Variants in CPEB4 observed in about 807,000 individuals in gnomAD.
CPEB4 encodes the protein cytoplasmic polyadenylation element binding protein 4.
CPEB4 carries 12 observed loss-of-function variants against 72.5 expected under a neutral mutation model. That is an observed-to-expected ratio of 0.17 (90% CI 0.11 to 0.27). The LOEUF is 0.27. CPEB4 is among the 10% of genes least tolerant of loss of function. The pLI is 1.00. For missense variants in CPEB4, 614 were observed against 908.5 expected (o/e 0.68, Z 4.17); for synonymous variants, 302 against 326.3 (o/e 0.93, Z 0.80).
chr5:173,911,331 G>A (rs1019665208), intron 2 of CPEB4, among the ~76,000 whole-genome samples: 10 of 151,182 alleles, frequency 6.6e-5, no homozygotes, highest in Admixed American at 5.9e-4. Context: ...GTGCAGTGGC[G>A]TGATCACTGC....
rs1165784046 is a variant in CPEB4, at chr5:173,932,490, G to T, written c.1248G>T (p.Leu416=). The T allele has an allele frequency of 1.2e-6, 2 of 1,611,776 alleles. No individual in the cohort carries two copies. Among genetic ancestry groups the T allele is most frequent in the African/African-American group, 2.7e-5 (2 of 74,844 alleles). ...CATATCCAGGATCCGATAGCTCTCT[G>T]CTTATTAATGGTAAGTGATAATTGA... ...NYSYPGSDSS[L]LINARTYGRR... The change falls in exon 3 of 10, where the codon CTG becomes CTT. Residue 416 remains leucine, a synonymous_variant. Transcript: ENST00000265085.
intron 4 of CPEB4, among the ~76,000 whole-genome samples, 190 bp downstream of exon 4, chr5:173,943,239 G>A (rs1465175948): frequency 1.3e-5 from 2 of 152,122 alleles, no homozygotes; most frequent in Non-Finnish European, 2.9e-5. Flanking sequence ...AAGAAATTTA[G>A]CAGAATGGTG....
intron 4 of CPEB4, among the ~76,000 whole-genome samples, chr5:173,943,485 A>G (rs59134908): frequency 0.12 from 17,691 of 152,166 alleles, 1,371 homozygotes; most frequent in African/African-American, 0.21. Context: ...TAAGTAAACA[A>G]TACATGTGGT....
At chr5:173,944,816 A>T in intron 4 of CPEB4, 151 bp from the exon 5 acceptor site, 1 of 641,050 alleles carries the variant, frequency 1.6e-6, no homozygotes, top group Non-Finnish European at 2.7e-6. Flanking sequence ...AGTTGGTGGG[A>T]ATTCAAGAGT....
Position 173,955,488 on chromosome 5 carries a change from A to G in CPEB4, c.1963-422A>G, listed in dbSNP as rs1758351473. ...ATCTTCACACCAACTTGAATATTGA[A>G]GTGCAGTTGTGTGGAACTTGGATCA... On this transcript the variant is annotated intron_variant, in intron 9 of 9. Coordinates refer to ENST00000265085, the MANE Select transcript of CPEB4 (RefSeq NM_030627.4). The surrounding 1 kb of genome is among the most constrained non-coding windows in gnomAD (Gnocchi z 4.7). Among the ~76,000 whole-genome samples, 1 of 152,172 alleles carries G rather than the reference A, an allele frequency of 6.6e-6. No homozygotes were observed. Among genetic ancestry groups the G allele is most frequent in the South Asian group, 2.1e-4 (1 of 4,826 alleles).
chr5:173,935,072 A>G (rs1757574444), intron 3 of CPEB4, among the ~76,000 whole-genome samples: 1 of 152,210 alleles, frequency 6.6e-6, no homozygotes, highest in South Asian at 2.1e-4. Flanking sequence ...GTGAAGATTC[A>G]ATGTGTGTAA....
chr5:173,923,698 A>G (rs1387924262), intron 2 of CPEB4, among the ~76,000 whole-genome samples: 1 of 149,024 alleles, frequency 6.7e-6, no homozygotes, highest in South Asian at 2.1e-4. Flanking sequence ...TATTTTTTTC[A>G]CCTTTTTTTT....
At position 173,955,826 on chromosome 5, in the gene CPEB4, C is replaced by T. The variant is rs1758360152; in HGVS notation, c.1963-84C>T. 1 of 1,094,386 alleles carries T rather than the reference C, an allele frequency of 9.1e-7. No individual in the cohort carries two copies. 67.8% of individuals were successfully genotyped at this position (1,094,386 alleles called of 1,614,324 possible). A position where few individuals can be genotyped will look rare whatever the true frequency, so the allele number is the denominator to read the frequency against. ...TTGGGCACCTTGGAACAGATTCATTCAGATAGTGGGTGGAAATGTACATGT... is the reference window on the plus strand; with the variant it reads ...TTGGGCACCTTGGAACAGATTCATTTAGATAGTGGGTGGAAATGTACATGT... On this transcript the variant is annotated intron_variant, in intron 9 of 9. Transcript: ENST00000265085. This position sits in a 1 kb window ranked among gnomAD's most constrained non-coding sequence, Gnocchi z 4.7.
chr5:173,888,826 C>T lies in CPEB4; in HGVS notation c.-908C>T, dbSNP rs910728230. On this transcript the variant is annotated 5_prime_UTR_variant, in exon 1 of 10. Transcript: ENST00000265085. The surrounding 1 kb of genome is among the most constrained non-coding windows in gnomAD (Gnocchi z 4.3). ...AACCGCAGGACCTTCCAGGTCGCCC[C>T]CTCGGTCCCCGCACCCCCAGGCCGC... 1 of 316,478 alleles carries T rather than the reference C, an allele frequency of 3.2e-6. No individual in the cohort carries two copies. Among genetic ancestry groups the T allele is most frequent in the Middle Eastern group, 8.1e-4 (1 of 1,234 alleles). The allele number at this position is 316,478 out of a possible 1,614,324, so 19.6% of individuals were successfully genotyped here. A position where few individuals can be genotyped will look rare whatever the true frequency, so the allele number is the denominator to read the frequency against.
At chr5:173,924,447 C>A (rs1461057558) in intron 2 of CPEB4, among the ~76,000 whole-genome samples, 3 of 152,106 alleles carry the variant, frequency 2.0e-5, no homozygotes, top group African/African-American at 7.2e-5. Context: ...CCAGATTTGC[C>A]CCTCCCTTTT....
At chr5:173,940,252 G>A (rs1017540177) in intron 3 of CPEB4, among the ~76,000 whole-genome samples, 1 of 152,290 alleles carries the variant, frequency 6.6e-6, no homozygotes, top group East Asian at 1.9e-4. Flanking sequence ...CTACTTTTTG[G>A]TAACTGAAGG....
intron 2 of CPEB4, among the ~76,000 whole-genome samples, chr5:173,912,064 C>T (rs1290581351): frequency 6.6e-6 from 1 of 152,062 alleles, no homozygotes; most frequent in African/African-American, 2.4e-5. Context: ...TGATGTGATA[C>T]CTTTGAAATA....
chr5:173,905,730 A>C (rs1756412594), intron 1 of CPEB4, among the ~76,000 whole-genome samples: 6 of 152,168 alleles, frequency 3.9e-5, no homozygotes, highest in Admixed American at 3.3e-4. Context: ...AAAGTGGTGG[A>C]CTTTGATTAA....
chr5:173,951,979 A>T lies in CPEB4; in HGVS notation c.1780+41A>T, dbSNP rs765969204. Reference sequence around the variant, plus strand: ...CGACAAACTCTCTACCCTATAGCGCAAGAAATATGAAGATCTTCAGGATAA... The same window carrying T: ...CGACAAACTCTCTACCCTATAGCGCTAGAAATATGAAGATCTTCAGGATAA... On this transcript the variant is annotated intron_variant, in intron 8 of 9. Coordinates refer to ENST00000265085, the MANE Select transcript of CPEB4 (RefSeq NM_030627.4). The T allele has an allele frequency of 3.2e-6, 4 of 1,249,968 alleles. No individual in the cohort carries two copies. The African/African-American group carries it at 4.4e-5, about 14-fold the overall frequency. The allele number at this position is 1,249,968 out of a possible 1,614,324, so 77.4% of individuals were successfully genotyped here.
At chr5:173,928,200 A>T (rs1757316330) in intron 2 of CPEB4, among the ~76,000 whole-genome samples, 1 of 152,234 alleles carries the variant, frequency 6.6e-6, no homozygotes, top group Non-Finnish European at 1.5e-5. Context: ...ACTTTGTATG[A>T]TACCATAATG....
Position 173,890,081 on chromosome 5 carries a change from A to C in CPEB4, c.348A>C (p.Glu116Asp), listed in dbSNP as rs757307998. ...ILPETEKAKS[E>D]ENQGDNSSEN... The stretch of plus-strand genomic sequence containing the variant: ...CTGAAACAGAGAAGGCAAAATCAGA[A>C]GAAAATCAAGGGGACAATTCTTCGG... Residue 116 changes from glutamate to aspartate, a missense_variant, in exon 1 of 10, where the codon GAA (glutamate) becomes GAC (aspartate). Transcript: ENST00000265085. The C allele has an allele frequency of 3.7e-6, 6 of 1,614,166 alleles. No homozygotes were observed. Among genetic ancestry groups the C allele is most frequent in the Non-Finnish European group, 5.1e-6 (6 of 1,180,028 alleles).
intron 3 of CPEB4, among the ~76,000 whole-genome samples, chr5:173,941,365 A>C (rs1757834767): frequency 6.6e-6 from 1 of 152,146 alleles, no homozygotes; most frequent in Admixed American, 6.5e-5. Flanking sequence ...TGCTTGAGGG[A>C]GATTGTATGT....
intron 2 of CPEB4, among the ~76,000 whole-genome samples, chr5:173,919,834 C>T (rs1757010942): frequency 6.6e-6 from 1 of 152,132 alleles, no homozygotes; most frequent in South Asian, 2.1e-4. Flanking sequence ...GGACTTTCTA[C>T]CTGAATGTTG....
intron 2 of CPEB4, among the ~76,000 whole-genome samples, chr5:173,921,732 C>T (rs1044007465): frequency 3.3e-5 from 5 of 152,162 alleles, no homozygotes; most frequent in African/African-American, 1.2e-4. Context: ...TATATTTTAG[C>T]TTCTGCTTAT....
Sources: allele counts gnomAD v4.1 joint callset (sites outside exome capture counted in the v4.1 genomes callset), GRCh38; gene constraint gnomAD v4.1.1; non-coding constraint Gnocchi (gnomAD v3.1); transcripts MANE v1.5; gene names NCBI Gene and HGNC (gene_info 2026-07-23, HGNC 2026-07-21).